The following RGS6 variants were observed in gnomAD, a reference collection of about 807,000 sequenced individuals.
RGS6 encodes regulator of G-protein signaling 6.
Under a neutral mutation model 78.5 loss-of-function variants are expected in RGS6, and 30 were observed. The observed-to-expected ratio is 0.38, with a 90% CI of 0.29 to 0.52. RGS6 has a LOEUF of 0.52. RGS6 is among the 20% of genes least tolerant of loss of function. The pLI, the probability that RGS6 is intolerant of heterozygous loss-of-function variation, is 0.85. For missense variants in RGS6, 495 were observed against 609.7 expected (o/e 0.81, Z 1.98); for synonymous variants, 206 against 206.0 (o/e 1.00, Z 0.00).
At chr14:72,546,498 G>T (rs1300122888) in intron 17 of RGS6, among the ~76,000 whole-genome samples, 7 of 152,172 alleles carry the variant, frequency 4.6e-5, no homozygotes, top group Admixed American at 4.6e-4. Context: ...GGAAGGAGGA[G>T]CCCCCAGCTG....
At position 72,220,005 on chromosome 14, in the gene RGS6, G is replaced by C. The variant is rs150526621; in HGVS notation, c.85-132090G>C. 2.9e-3 allele frequency among the ~76,000 whole-genome samples: 435 copies of C among 152,116 alleles called. 2 individuals are homozygous for C. Among genetic ancestry groups the C allele is most frequent in the African/African-American group, 0.01 (417 of 41,516 alleles). On this transcript the variant is annotated intron_variant, in intron 2 of 17. Coordinates refer to ENST00000553525, the MANE Select transcript of RGS6 (RefSeq NM_001204424.2). ...AAAACCCCATTGTCTCTGCCCAAAA[G>C]CTCCCTGATCTGATACACAACTTCA...
intron 2 of RGS6, among the ~76,000 whole-genome samples, chr14:72,256,269 G>A (rs1478692061): frequency 6.6e-6 from 1 of 152,194 alleles, no homozygotes; most frequent in Non-Finnish European, 1.5e-5. Flanking sequence ...CACTGAGTCA[G>A]TTTCTGGGTA....
intron 2 of RGS6, among the ~76,000 whole-genome samples, chr14:72,234,888 G>A (rs1022658510): frequency 3.3e-5 from 5 of 152,046 alleles, no homozygotes; most frequent in African/African-American, 1.2e-4. Context: ...CAGAGAAGTT[G>A]TATTGTTCCA....
chr14:72,211,202 A>C (rs2044055781), intron 2 of RGS6, among the ~76,000 whole-genome samples: 1 of 152,240 alleles, frequency 6.6e-6, no homozygotes, highest in African/African-American at 2.4e-5. Flanking sequence ...CAGAAAGATA[A>C]GAGGAAAATC....
intron 2 of RGS6, among the ~76,000 whole-genome samples, chr14:72,232,969 C>T (rs547090811): frequency 2.0e-4 from 31 of 152,192 alleles, no homozygotes; most frequent in African/African-American, 5.8e-4. Flanking sequence ...CGTAAGGGAG[C>T]GTTGTCTGAG....
chr14:71,936,357 T>C (rs1284421662), intron 1 of RGS6, among the ~76,000 whole-genome samples: 2 of 152,066 alleles, frequency 1.3e-5, no homozygotes, highest in Non-Finnish European at 2.9e-5. Flanking sequence ...CGCTGGAAGC[T>C]GATTAGGTTG....
At chr14:72,177,853 A>G (rs1260085378) in intron 2 of RGS6, among the ~76,000 whole-genome samples, 1 of 152,242 alleles carries the variant, frequency 6.6e-6, no homozygotes. Flanking sequence ...TCATGCTGTT[A>G]TCTTAACATC....
intron 13 of RGS6, among the ~76,000 whole-genome samples, chr14:72,503,544 A>C (rs1346329896): frequency 6.6e-6 from 1 of 151,996 alleles, no homozygotes; most frequent in Non-Finnish European, 1.5e-5. Context: ...ATGGTGGGAG[A>C]GGTATAGGAT....
chr14:72,097,107 C>T (rs922365762), intron 2 of RGS6, among the ~76,000 whole-genome samples: 1 of 152,198 alleles, frequency 6.6e-6, no homozygotes, highest in Non-Finnish European at 1.5e-5. Context: ...AAATCTTCAG[C>T]TTTCTACCTT....
At chr14:71,868,034 A>G in the RGS6 span, among the ~76,000 whole-genome samples, 2 of 152,178 alleles carry the variant, frequency 1.3e-5, no homozygotes, top group African/African-American at 2.4e-5. Flanking sequence ...AGAAAACAGA[A>G]AAGTAGTTAC....
chr14:72,120,432 T>C (rs988875944), intron 2 of RGS6, among the ~76,000 whole-genome samples: 3 of 152,164 alleles, frequency 2.0e-5, no homozygotes, highest in Non-Finnish European at 2.9e-5. Context: ...GGTACCTCTG[T>C]AGAAAGCACA....
In RGS6 at chr14:72,293,200, A is replaced by G. The variant is rs115514408; in HGVS notation, c.85-58895A>G. On this transcript the variant is annotated intron_variant, in intron 2 of 17. Transcript: ENST00000553525. ...GTTCTTACTGGGTATTCCCGTCAGAACCTCCCATCTGTCTATTTTGGTTCA... is the reference window on the plus strand; with the variant it reads ...GTTCTTACTGGGTATTCCCGTCAGAGCCTCCCATCTGTCTATTTTGGTTCA... Among the ~76,000 whole-genome samples, 1,036 of 151,850 alleles carry G rather than the reference A, an allele frequency of 6.8e-3. 17 individuals are homozygous for G. Among genetic ancestry groups the G allele is most frequent in the African/African-American group, 0.024 (1,009 of 41,386 alleles).
chr14:72,561,796 T>C (rs929950199), intron 17 of RGS6, among the ~76,000 whole-genome samples: 1 of 152,166 alleles, frequency 6.6e-6, no homozygotes, highest in African/African-American at 2.4e-5. Context: ...GCCAAGAACA[T>C]AGGAGACAGC....
intron 2 of RGS6, among the ~76,000 whole-genome samples, chr14:72,064,783 A>G (rs1191459480): frequency 6.6e-6 from 1 of 152,238 alleles, no homozygotes; most frequent in African/African-American, 2.4e-5. Context: ...TTGCTAAATA[A>G]TAACACACAA....
At chr14:72,183,586 CAT>C (rs781105757) in intron 2 of RGS6, among the ~76,000 whole-genome samples, 17 of 152,164 alleles carry the variant, frequency 1.1e-4, no homozygotes, top group Non-Finnish European at 2.2e-4. Flanking sequence ...ATAAATAGTA[CAT>C]ACATTTACAT....
At chr14:71,909,255 C>T in the RGS6 span, among the ~76,000 whole-genome samples, 16 of 152,226 alleles carry the variant, frequency 1.1e-4, no homozygotes, top group Non-Finnish European at 1.5e-5. Context: ...CCAATAAACT[C>T]AATTCTTTTA....
At chr14:72,314,861 A>T (rs746492493) in intron 2 of RGS6, among the ~76,000 whole-genome samples, 13 of 152,236 alleles carry the variant, frequency 8.5e-5, no homozygotes, top group Admixed American at 3.9e-4. Context: ...AATGTGGCTT[A>T]TAGAAAATTT....
chr14:71,901,202 G>A, the RGS6 span, among the ~76,000 whole-genome samples: 2 of 152,106 alleles, frequency 1.3e-5, no homozygotes, highest in Admixed American at 6.6e-5. Flanking sequence ...ATGGTCCATA[G>A]GTTTCTAAAC....
At chr14:72,478,177 C>G in intron 11 of RGS6, 91 bp from the exon 12 acceptor site, 5 of 887,962 alleles carry the variant, frequency 5.6e-6, no homozygotes, top group Admixed American at 2.0e-5. Context: ...GTATTTGGAT[C>G]TTGGTGGAAA....
Sources: gnomAD v4.1 joint callset for allele counts (sites outside exome capture counted in the v4.1 genomes callset) on GRCh38, gnomAD v4.1.1 for gene constraint, MANE v1.5 for transcripts, NCBI Gene and HGNC (gene_info 2026-07-23, HGNC 2026-07-21) for gene names.